Variants in STEAP1 observed in about 807,000 individuals in gnomAD.
The protein encoded by STEAP1 is STEAP1 protein.
In STEAP1, 30 loss-of-function variants were observed where a neutral mutation model predicts 34.4. The ratio of observed to expected loss-of-function variants is 0.87; its 90% confidence interval spans 0.65 to 1.18. The LOEUF (loss-of-function observed/expected upper bound fraction) is 1.18. STEAP1 is among the 50% of genes most tolerant of loss of function. STEAP1 has a pLI of 0.00. For synonymous variants in STEAP1, 116 were observed against 135.3 expected (o/e 0.86, Z 0.99); for missense variants, 318 against 391.1 (o/e 0.81, Z 1.58).
At chr7:90,161,843 G>A (rs1365623235) in intron 3 of STEAP1, 71 bp from the exon 4 acceptor site, 17 of 1,552,046 alleles carry the variant, frequency 1.1e-5, no homozygotes, top group Middle Eastern at 1.7e-4. Context: ...AGGGAAGAGT[G>A]TAGAAGGAGA....
chr7:90,164,726 C>A lies in STEAP1; in HGVS notation c.1012C>A (p.Gln338Lys). ...AATTAACAAAACTGAGATATGTTCC[C>A]AGTTGTAGAATTACTGTTTACACAC... is the stretch of plus-strand genomic sequence containing the variant. ...TKINKTEICS[Q>K]L Residue 338 changes from glutamine (Q) to lysine (K), a missense_variant, in exon 5 of 5, where the codon CAG becomes AAG. Coordinates refer to ENST00000297205, the MANE Select transcript of STEAP1 (RefSeq NM_012449.3). 4 of 1,609,546 alleles carry A rather than the reference C, an allele frequency of 2.5e-6. No homozygotes were observed. Among genetic ancestry groups the A allele is most frequent in the Non-Finnish European group, 3.4e-6 (4 of 1,178,124 alleles).
At chr7:90,160,765 T>A (rs1253163947) in intron 2 of STEAP1, 40 bp from the exon 3 acceptor site, 1 of 1,582,766 alleles carries the variant, frequency 6.3e-7, no homozygotes. Context: ...ATCCCATTGT[T>A]TTGTTCAATT....
chr7:90,160,047 C>T (rs3932779), intron 2 of STEAP1, among the ~76,000 whole-genome samples, 175 bp downstream of exon 2: 9 of 152,140 alleles, frequency 5.9e-5, no homozygotes, highest in African/African-American at 1.9e-4. Context: ...ATGTGAGAGA[C>T]ATAGTACCTT....
chr7:90,155,267 A>T (rs541421422), intron 1 of STEAP1, among the ~76,000 whole-genome samples: 1 of 152,228 alleles, frequency 6.6e-6, no homozygotes, highest in Admixed American at 6.5e-5. Context: ...GTGAAAAAAA[A>T]AAACAAAAAA....
chr7:90,161,138 C>T lies in STEAP1; in HGVS notation c.418C>T (p.Gln140Ter). ...GCCAGGTGTGATAGCAGCAATTGTCCAACTTCATAATGGAACCAAGTATAA... is the reference window on the plus strand; with the variant it reads ...GCCAGGTGTGATAGCAGCAATTGTCTAACTTCATAATGGAACCAAGTATAA... The part of the protein sequence containing the change: ...YLPGVIAAIV[Q>*]LHNGTKYKKF... The change falls in exon 3 of 5, where the codon CAA (glutamine) becomes TAA (stop). Residue 140 changes from glutamine (Q) to a stop codon, truncating the protein, a stop_gained. Transcript: ENST00000297205. LOFTEE classifies it high-confidence loss of function. 1.9e-6 allele frequency: 3 copies of T among 1,613,964 alleles called. No homozygotes were observed. Among genetic ancestry groups the T allele is most frequent in the Non-Finnish European group, 2.5e-6 (3 of 1,179,864 alleles).
chr7:90,157,721 A>G (rs1271608289), intron 1 of STEAP1, among the ~76,000 whole-genome samples: 3 of 152,250 alleles, frequency 2.0e-5, no homozygotes, highest in Non-Finnish European at 4.4e-5. Flanking sequence ...TATCTGGAAA[A>G]TATTCCAAGA....
chr7:90,156,473 G>C (rs1216396943), intron 1 of STEAP1, among the ~76,000 whole-genome samples: 1 of 152,260 alleles, frequency 6.6e-6, no homozygotes, highest in African/African-American at 2.4e-5. Flanking sequence ...ACTGGTATCA[G>C]TCAGTGTCCT....
At chr7:90,162,183 A>G in intron 4 of STEAP1, 105 bp downstream of exon 4, 1 of 1,433,836 alleles carries the variant, frequency 7.0e-7, no homozygotes, top group East Asian at 2.5e-5. Context: ...GTTTTTCAAC[A>G]GCAAAGATCT....
chr7:90,163,774 G>A (rs2115971259), intron 4 of STEAP1, among the ~76,000 whole-genome samples: 1 of 152,296 alleles, frequency 6.6e-6, no homozygotes, highest in Admixed American at 6.5e-5. Flanking sequence ...CTTTATTTGT[G>A]TAGTGACAAA....
Position 90,164,609 on chromosome 7 carries a change from ATTG to A in STEAP1, c.900_902del (p.Val301del), listed in dbSNP as rs775338958. 13 of 1,613,742 alleles carry A rather than the reference ATTG, an allele frequency of 8.1e-6. No individual in the cohort carries two copies. Among genetic ancestry groups the A allele is most frequent in the Non-Finnish European group, 9.3e-6 (11 of 1,179,826 alleles). On this transcript the variant is annotated inframe_deletion, in exon 5 of 5. Coordinates refer to ENST00000297205, the MANE Select transcript of STEAP1 (RefSeq NM_012449.3). ...TTTTATGATAGCTGTTTTCCTTCCAATTGTTGTCCTGATATTTAAAAGCATACT... is the reference window on the plus strand; with the variant it reads ...TTTTATGATAGCTGTTTTCCTTCCAATTGTCCTGATATTTAAAAGCATACT...
intron 1 of STEAP1, among the ~76,000 whole-genome samples, chr7:90,155,666 T>C (rs567362998): frequency 7.2e-5 from 11 of 152,322 alleles, no homozygotes; most frequent in African/African-American, 2.6e-4. Context: ...ATTTGACTCA[T>C]AGTTTATTTT....
chr7:90,155,467 A>G (rs1794106637), intron 1 of STEAP1, among the ~76,000 whole-genome samples: 2 of 152,216 alleles, frequency 1.3e-5, no homozygotes, highest in South Asian at 4.1e-4. Context: ...GGTACAGCAA[A>G]ACAGCAGTCG....
intron 1 of STEAP1, among the ~76,000 whole-genome samples, chr7:90,158,079 C>T (rs925623549): frequency 3.9e-5 from 6 of 152,112 alleles, no homozygotes; most frequent in Admixed American, 6.5e-5. Flanking sequence ...GTATAGTAAA[C>T]ATACATATAT....
chr7:90,161,833 A>G (rs1302604909), intron 3 of STEAP1, 81 bp from the exon 4 acceptor site: 10 of 1,521,248 alleles, frequency 6.6e-6, no homozygotes, highest in Non-Finnish European at 7.9e-6. Flanking sequence ...TAGTAGGCAC[A>G]GGGAAGAGTG....
chr7:90,160,072 G>C (rs986195592), intron 2 of STEAP1, among the ~76,000 whole-genome samples, 200 bp downstream of exon 2: 18 of 152,082 alleles, frequency 1.2e-4, no homozygotes, highest in Non-Finnish European at 2.4e-4. Flanking sequence ...GATTGTCAGG[G>C]ACTTAGCTGA....
intron 4 of STEAP1, among the ~76,000 whole-genome samples, chr7:90,164,093 G>T (rs1028823659): frequency 6.6e-6 from 1 of 152,136 alleles, no homozygotes; most frequent in Non-Finnish European, 1.5e-5. Flanking sequence ...CCTGCTATAA[G>T]TAAGACTCAG....
At chr7:90,158,616 A>T (rs1029887840) in intron 1 of STEAP1, among the ~76,000 whole-genome samples, 1 of 152,154 alleles carries the variant, frequency 6.6e-6, no homozygotes. Flanking sequence ...GCCATCTTCT[A>T]TGATAACAAT....
intron 4 of STEAP1, among the ~76,000 whole-genome samples, chr7:90,164,078 G>A (rs931494094): frequency 6.6e-6 from 1 of 152,142 alleles, no homozygotes; most frequent in Non-Finnish European, 1.5e-5. Context: ...TGATTCTGCA[G>A]GGATCCTGCT....
At chr7:90,156,935 ATTTC>A (rs1380688152) in intron 1 of STEAP1, among the ~76,000 whole-genome samples, 5 of 152,166 alleles carry the variant, frequency 3.3e-5, no homozygotes, top group African/African-American at 1.2e-4. Flanking sequence ...AGCCTCAGGT[ATTTC>A]TTTATAGCAG....
Sources: gnomAD v4.1 joint callset for allele counts (sites outside exome capture counted in the v4.1 genomes callset) on GRCh38, gnomAD v4.1.1 for gene constraint, MANE v1.5 for transcripts, NCBI Gene and HGNC (gene_info 2026-07-23, HGNC 2026-07-21) for gene names.